MAP2K4: variants seen among roughly 807,000 people sequenced by gnomAD.
MAP2K4 encodes the protein mitogen-activated protein kinase kinase 4.
In MAP2K4, 4 loss-of-function variants were observed where a neutral mutation model predicts 48.5. The observed-to-expected ratio is 0.08, with a 90% confidence interval of 0.04 to 0.19. MAP2K4 has a LOEUF of 0.19. Among genes scored for constraint, MAP2K4 ranks in the 10% least tolerant of loss-of-function variants. The probability of loss-of-function intolerance (pLI) is 1.00; values close to 1 mark genes in which losing one functional copy is unlikely to be tolerated. For synonymous variants in MAP2K4, 166 were observed against 173.1 expected, an observed-to-expected ratio of 0.96 and a Z score of 0.32; for missense variants, 258 against 493.3, an observed-to-expected ratio of 0.52 and a Z score of 4.52.
At position 12,020,926 on chromosome 17, in the gene MAP2K4, G is replaced by GGCGGCA. The variant is rs1367433209; in HGVS notation, c.53_58dup (p.Ser18_Gly19dup). 99 of 1,217,866 alleles carry GGCGGCA rather than the reference G, an allele frequency of 8.1e-5. No individual in the cohort carries two copies. Among genetic ancestry groups the GGCGGCA allele is most frequent in the Non-Finnish European group, 9.4e-5 (92 of 979,218 alleles). The allele number at this position is 1,217,866 out of a possible 1,614,324, so 75.4% of individuals were successfully genotyped here. A position where few individuals can be genotyped will look rare whatever the true frequency, so the allele number is the denominator to read the frequency against. On this transcript the variant is annotated inframe_insertion, in exon 1 of 11. Transcript: ENST00000353533. ...CCCGAGCGGCGGCGGCGGCTCCGGGGGCGGCAGCGGCAGCGGCACCCCCGG... is the reference window on the plus strand; with the variant it reads ...CCCGAGCGGCGGCGGCGGCTCCGGGGGCGGCAGCGGCAGCGGCAGCGGCACCCCCGG...
At chr17:12,045,287 T>C (rs1375704775) in intron 1 of MAP2K4, among the ~76,000 whole-genome samples, 6 of 152,214 alleles carry the variant, frequency 3.9e-5, no homozygotes, top group South Asian at 4.1e-4. Flanking sequence ...ATTTCACTTA[T>C]AGGTGGTGAA....
intron 7 of MAP2K4, among the ~76,000 whole-genome samples, chr17:12,116,703 C>T (rs192963735): frequency 2.0e-5 from 3 of 152,314 alleles, no homozygotes; most frequent in Admixed American, 2.0e-4. Flanking sequence ...TCTACATCCA[C>T]ATCTTGCCCC....
intron 1 of MAP2K4, among the ~76,000 whole-genome samples, chr17:12,039,640 GAACAA>G (rs1442466825): frequency 2.0e-5 from 3 of 151,952 alleles, no homozygotes; most frequent in African/African-American, 7.3e-5. Flanking sequence ...ACCATTAAAT[GAACAA>G]AACAATATTA....
At chr17:12,025,888 G>A (rs916815579) in intron 1 of MAP2K4, among the ~76,000 whole-genome samples, 1 of 152,078 alleles carries the variant, frequency 6.6e-6, no homozygotes, top group South Asian at 2.1e-4. Flanking sequence ...TCTGGTTTTC[G>A]AGAACCATGG....
chr17:12,084,077 A>AT (rs1463564105), intron 3 of MAP2K4, among the ~76,000 whole-genome samples: 2 of 152,110 alleles, frequency 1.3e-5, no homozygotes, highest in Non-Finnish European at 1.5e-5. Context: ...TATTAGCTTG[A>AT]TTTTTTTCTT....
At chr17:12,112,602 C>T (rs1177079250) in intron 6 of MAP2K4, among the ~76,000 whole-genome samples, 1 of 151,808 alleles carries the variant, frequency 6.6e-6, no homozygotes, top group Non-Finnish European at 1.5e-5. Context: ...ATGTTTTCTG[C>T]ATCCTATATT....
chr17:12,030,577 C>T (rs924782116), intron 1 of MAP2K4, among the ~76,000 whole-genome samples: 10 of 152,120 alleles, frequency 6.6e-5, no homozygotes, highest in South Asian at 2.1e-4. Context: ...CAATCATTGG[C>T]GACATTCTGT....
intron 1 of MAP2K4, among the ~76,000 whole-genome samples, chr17:12,037,982 A>G (rs1239313110): frequency 6.6e-6 from 1 of 152,166 alleles, no homozygotes. Flanking sequence ...TCTAACAGCT[A>G]TTGCACCTTA....
chr17:12,051,702 T>C (rs1446410287), intron 1 of MAP2K4, among the ~76,000 whole-genome samples: 1 of 152,198 alleles, frequency 6.6e-6, no homozygotes, highest in Non-Finnish European at 1.5e-5. Flanking sequence ...CCTTTCTCCC[T>C]GTGAAAGTTG....
intron 6 of MAP2K4, among the ~76,000 whole-genome samples, chr17:12,112,465 CAAAAAAAAAAA>C (rs11370279): frequency 2.3e-5 from 2 of 86,666 alleles, no homozygotes; most frequent in African/African-American, 9.9e-5. Flanking sequence ...ACTCTTGTCT[CAAAAAAAAAAA>C]AAAAAAAAAG....
intron 7 of MAP2K4, chr17:12,124,685 T>C (rs1425014621): frequency 1.3e-5 from 2 of 151,688 alleles, no homozygotes; most frequent in African/African-American, 4.8e-5. Context: ...ATTTTTTAAT[T>C]TTTTTTTTGA....
At chr17:12,021,126 C>T (rs1001577731) in intron 1 of MAP2K4, 125 bp downstream of exon 1, 9 of 494,366 alleles carry the variant, frequency 1.8e-5, no homozygotes, top group South Asian at 1.0e-4. Flanking sequence ...GCTTCTCCCT[C>T]TCTCCCTCCC....
chr17:12,134,204 C>G (rs1418394461), intron 9 of MAP2K4, among the ~76,000 whole-genome samples: 1 of 152,220 alleles, frequency 6.6e-6, no homozygotes, highest in Non-Finnish European at 1.5e-5. Context: ...CCACCTGTTT[C>G]TCACAGTTAA....
At chr17:12,065,592 G>A (rs1425999100) in intron 2 of MAP2K4, among the ~76,000 whole-genome samples, 5 of 151,916 alleles carry the variant, frequency 3.3e-5, no homozygotes, top group African/African-American at 1.2e-4. Flanking sequence ...GAGCCACTGC[G>A]CCTGGCCTAA....
chr17:12,092,919 G>A (rs1268470253), intron 3 of MAP2K4, among the ~76,000 whole-genome samples: 1 of 152,096 alleles, frequency 6.6e-6, no homozygotes, highest in Non-Finnish European at 1.5e-5. Flanking sequence ...CCAGCTACTC[G>A]GGAGGCTGAG....
At chr17:12,050,865 C>T (rs1970120192) in intron 1 of MAP2K4, among the ~76,000 whole-genome samples, 1 of 152,176 alleles carries the variant, frequency 6.6e-6, no homozygotes, top group South Asian at 2.1e-4. Flanking sequence ...AATGTGGATA[C>T]ACTTGACCAA....
intron 4 of MAP2K4, 94 bp from the exon 5 acceptor site, chr17:12,107,696 A>G: frequency 9.3e-7 from 1 of 1,078,670 alleles, no homozygotes; most frequent in African/African-American, 1.6e-5. Context: ...ATAAGCAAGA[A>G]TAAGATTGCT....
chr17:12,029,549 T>G (rs1006109003), intron 1 of MAP2K4, among the ~76,000 whole-genome samples: 1 of 152,042 alleles, frequency 6.6e-6, no homozygotes, highest in Non-Finnish European at 1.5e-5. Flanking sequence ...CAGTTAACTA[T>G]CAACAGGTTC....
In MAP2K4 at chr17:12,129,064, T is replaced by C. The variant is rs1201611882; in HGVS notation, c.892-75T>C. 2.7e-6 allele frequency: 4 copies of C among 1,474,274 alleles called. No individual in the cohort carries two copies. The East Asian group carries it at 6.8e-5, about 25-fold the overall frequency. The allele number at this position is 1,474,274 out of a possible 1,614,324, so 91.3% of individuals were successfully genotyped here. Reference sequence around the variant, plus strand: ...TAGAGTTTTGCTTGTAGTTTAGATTTTTTTGTGGCCCTTCCAGTGGGGAGT... The same window carrying C: ...TAGAGTTTTGCTTGTAGTTTAGATTCTTTTGTGGCCCTTCCAGTGGGGAGT... On this transcript the variant is annotated intron_variant, in intron 8 of 10. Coordinates refer to ENST00000353533, the MANE Select transcript of MAP2K4 (RefSeq NM_003010.4).
Sources: gnomAD v4.1 joint callset for allele counts (sites outside exome capture counted in the v4.1 genomes callset) on GRCh38, gnomAD v4.1.1 for gene constraint, MANE v1.5 for transcripts, NCBI Gene and HGNC (gene_info 2026-07-23, HGNC 2026-07-21) for gene names.